YIPF1: variants seen among roughly 807,000 people sequenced by gnomAD.
YIPF1 encodes the protein protein YIPF1.
A neutral mutation model predicts 37.0 loss-of-function variants in YIPF1; 22 were observed. The observed-to-expected ratio is 0.59, with a 90% CI of 0.42 to 0.85. YIPF1 has a LOEUF of 0.85. Ranked by LOEUF, YIPF1 falls within the 40% of genes least tolerant of loss-of-function variation. YIPF1 has a pLI of 0.00. For synonymous variants in YIPF1, 128 were observed against 131.9 expected (o/e 0.97, Z 0.21); for missense variants, 355 against 373.1 (o/e 0.95, Z 0.40).
At chr1:53,884,967 TTAATCAGGTAGC>T (rs769021907) in intron 3 of YIPF1, among the ~76,000 whole-genome samples, 37 of 152,306 alleles carry the variant, frequency 2.4e-4, no homozygotes, top group Middle Eastern at 3.4e-3. Flanking sequence ...GTGACTGAAA[TTAATCAGGTAGC>T]TAATATGCAA....
chr1:53,862,818 C>A (rs957782320), intron 9 of YIPF1, among the ~76,000 whole-genome samples: 4 of 152,166 alleles, frequency 2.6e-5, no homozygotes, highest in African/African-American at 9.7e-5. Context: ...AAGATGTTGC[C>A]ATGGCATGCA....
Position 53,871,408 on chromosome 1 carries a change from C to G in YIPF1, c.445G>C (p.Glu149Gln), listed in dbSNP as rs749842171. Residue 149 changes from glutamate to glutamine, a missense_variant, in exon 7 of 11, where the codon GAG becomes CAG. Transcript: ENST00000072644. ...TCGGGCACATAATGGTACGTCTTCTCTCCCAGATGGATCAAGAAGTTGGAA... is the reference window on the plus strand; with the variant it reads ...TCGGGCACATAATGGTACGTCTTCTGTCCCAGATGGATCAAGAAGTTGGAA... ...NLSNFLIHLG[E>Q]KTYHYVPEFR... 1.2e-6 allele frequency: 2 copies of G among 1,614,088 alleles called. No homozygotes were observed. Among genetic ancestry groups the G allele is most frequent in the South Asian group, 2.2e-5 (2 of 91,084 alleles).
chr1:53,875,851 A>G lies in YIPF1; in HGVS notation c.364+2464T>C, dbSNP rs561637506. Among the ~76,000 whole-genome samples the G allele has an allele frequency of 3.0e-4, 45 of 152,294 alleles. No individual in the cohort carries two copies. In the South Asian group the frequency reaches 8.9e-3, roughly 30 times the overall value. On this transcript the variant is annotated intron_variant, in intron 6 of 10. Coordinates refer to ENST00000072644, the MANE Select transcript of YIPF1 (RefSeq NM_018982.5). ...TTCACCTTTTTAAATTTTCAAATTC[A>G]CCCATTTATACAAACACTTCATGTC...
chr1:53,874,907 T>C (rs74416005), intron 6 of YIPF1, among the ~76,000 whole-genome samples: 1,641 of 152,352 alleles, frequency 0.011, 12 homozygotes, highest in Middle Eastern at 0.027. Flanking sequence ...ATTCCATGTA[T>C]AAATATAGTA....
chr1:53,878,514 C>T, intron 5 of YIPF1, 112 bp from the exon 6 acceptor site: 1 of 1,453,044 alleles, frequency 6.9e-7, no homozygotes, highest in Non-Finnish European at 9.5e-7. Context: ...TTTTCAAATG[C>T]TAATAACCCT....
chr1:53,882,739 G>C (rs902675313), intron 4 of YIPF1, among the ~76,000 whole-genome samples: 3 of 152,154 alleles, frequency 2.0e-5, no homozygotes, highest in African/African-American at 7.2e-5. Flanking sequence ...GATTATATGC[G>C]TGAGCCACCA....
At chr1:53,889,187 AG>A in intron 2 of YIPF1, 56 bp downstream of exon 2, 1 of 412,570 alleles carries the variant, frequency 2.4e-6, no homozygotes, top group Admixed American at 3.6e-5. Flanking sequence ...GGGGATCCAA[AG>A]GTTCCAATTC....
At chr1:53,865,079 T>C (rs933115015) in intron 9 of YIPF1, among the ~76,000 whole-genome samples, 3 of 152,210 alleles carry the variant, frequency 2.0e-5, no homozygotes, top group African/African-American at 7.2e-5. Flanking sequence ...ACTCAAACAC[T>C]ACTTTAAATG....
At chr1:53,871,698 G>C (rs558100282) in intron 6 of YIPF1, among the ~76,000 whole-genome samples, 10 of 152,110 alleles carry the variant, frequency 6.6e-5, no homozygotes, top group Admixed American at 6.5e-4. Flanking sequence ...TGGGGTGTTG[G>C]TACTCCAATC....
chr1:53,866,611 A>T, intron 8 of YIPF1, 147 bp downstream of exon 8: 1 of 1,130,934 alleles, frequency 8.8e-7, no homozygotes, highest in Non-Finnish European at 1.2e-6. Context: ...GACCCCTTTC[A>T]TGCTTAACTT....
At chr1:53,874,880 AT>A in intron 6 of YIPF1, among the ~76,000 whole-genome samples, 1 of 152,140 alleles carries the variant, frequency 6.6e-6, no homozygotes, top group African/African-American at 2.4e-5. Context: ...GCTCTCATTC[AT>A]TTTTTTAACT....
At position 53,888,914 on chromosome 1, in the gene YIPF1, T is replaced by C. The variant is rs779069062; in HGVS notation, c.24A>G (p.Gln8=). 10 of 1,592,442 alleles carry C rather than the reference T, an allele frequency of 6.3e-6. No homozygotes were observed. In the Admixed American group the frequency reaches 6.7e-5, roughly 11 times the overall value. ...GGCACCCAACTGGTATACCTTCAAATTGCAAGTCATCTACTGCTGCCATTC... is the reference window on the plus strand; with the variant it reads ...GGCACCCAACTGGTATACCTTCAAACTGCAAGTCATCTACTGCTGCCATTC... MAAVDDL[Q]FEEFGNAATS... is the part of the protein sequence containing the mutation. The change falls in exon 3 of 11, where the codon CAA becomes CAG. Residue 8 remains glutamine, a synonymous_variant. Transcript: ENST00000072644.
In YIPF1 at chr1:53,874,018, A is replaced by G. The variant is rs1569633555; in HGVS notation, c.365-2530T>C. On this transcript the variant is annotated intron_variant, in intron 6 of 10. Transcript: ENST00000072644. ...CAACACCTGCCCACCCACTACCTCT[A>G]TGTGGCCCAATGCTCATCCTTGGAC... 3.3e-5 allele frequency among the ~76,000 whole-genome samples: 5 copies of G among 152,218 alleles called. No homozygotes were observed. In the South Asian group the frequency reaches 8.3e-4, roughly 25 times the overall value.
At chr1:53,873,045 T>C (rs1650235658) in intron 6 of YIPF1, among the ~76,000 whole-genome samples, 2 of 152,276 alleles carry the variant, frequency 1.3e-5, no homozygotes, top group South Asian at 4.1e-4. Context: ...TGACCACAAG[T>C]GGCCAAAATA....
intron 9 of YIPF1, among the ~76,000 whole-genome samples, chr1:53,862,833 C>T (rs889301871): frequency 2.6e-5 from 4 of 152,296 alleles, no homozygotes; most frequent in East Asian, 1.9e-4. Context: ...CATGCACGAT[C>T]GGCCCCTGTT....
chr1:53,858,452 G>C (rs1649781223), intron 10 of YIPF1, among the ~76,000 whole-genome samples: 1 of 152,148 alleles, frequency 6.6e-6, no homozygotes, highest in South Asian at 2.1e-4. Context: ...AGTGGCAGTA[G>C]CTTTGATTTT....
chr1:53,876,425 T>C (rs1271548737), intron 6 of YIPF1, among the ~76,000 whole-genome samples: 1 of 152,238 alleles, frequency 6.6e-6, no homozygotes, highest in Non-Finnish European at 1.5e-5. Context: ...TTTTCTTAAC[T>C]GCCTTCCTCT....
intron 9 of YIPF1, 148 bp from the exon 10 acceptor site, chr1:53,860,301 T>C (rs1181847471): frequency 2.8e-6 from 2 of 721,122 alleles, no homozygotes; most frequent in East Asian, 2.7e-5. Flanking sequence ...ACTACAACCA[T>C]CTCTGTTTAC....
chr1:53,878,612 T>C, intron 5 of YIPF1, 30 bp downstream of exon 5: 1 of 1,590,462 alleles, frequency 6.3e-7, no homozygotes, highest in Non-Finnish European at 8.5e-7. Flanking sequence ...CCTTTACCCG[T>C]AAAAGGAAAG....
Sources: gnomAD v4.1 joint callset for allele counts (sites outside exome capture counted in the v4.1 genomes callset) on GRCh38, gnomAD v4.1.1 for gene constraint, MANE v1.5 for transcripts, NCBI Gene and HGNC (gene_info 2026-07-23, HGNC 2026-07-21) for gene names.